ZNF385D: variants seen among roughly 807,000 people sequenced by gnomAD.
The protein encoded by ZNF385D is zinc finger protein 385D.
In ZNF385D, 15 loss-of-function variants were observed where a neutral mutation model predicts 35.8. That is an observed-to-expected ratio of 0.42 (90% CI 0.28 to 0.64). The LOEUF (loss-of-function observed/expected upper bound fraction) is 0.64, where lower values mean the gene tolerates loss of function less well. Among genes scored for constraint, ZNF385D ranks in the 30% least tolerant of loss-of-function variants. The probability of loss-of-function intolerance (pLI) is 0.23; values close to 1 mark genes in which losing one functional copy is unlikely to be tolerated. For missense variants in ZNF385D, 474 were observed against 494.6 expected (o/e 0.96, Z 0.39); for synonymous variants, 212 against 186.8 (o/e 1.13, Z -1.10).
intron 3 of ZNF385D, among the ~76,000 whole-genome samples, chr3:22,155,498 C>T (rs2125728544): frequency 6.6e-6 from 1 of 152,074 alleles, no homozygotes; most frequent in East Asian, 1.9e-4. Flanking sequence ...AACACTGGGA[C>T]ACTTTTGTTA....
chr3:21,895,386 G>A (rs1019871010), intron 3 of ZNF385D, among the ~76,000 whole-genome samples: 1 of 133,748 alleles, frequency 7.5e-6, no homozygotes, highest in Non-Finnish European at 1.5e-5. Flanking sequence ...GCAGTGTAAT[G>A]GCGCAGTCTT....
intron 1 of ZNF385D, among the ~76,000 whole-genome samples, chr3:21,676,770 G>T (rs989248042): frequency 1.4e-5 from 2 of 147,398 alleles, no homozygotes; most frequent in Non-Finnish European, 3.0e-5. Context: ...AACCAGATAG[G>T]GATGATTTCA....
intron 3 of ZNF385D, among the ~76,000 whole-genome samples, chr3:22,120,808 C>A (rs565831934): frequency 6.6e-6 from 1 of 152,084 alleles, no homozygotes; most frequent in Admixed American, 6.6e-5. Flanking sequence ...CCGTTTATAA[C>A]CATAAGACAT....
intron 1 of ZNF385D, among the ~76,000 whole-genome samples, chr3:21,680,522 T>C (rs1258532886): frequency 6.6e-6 from 1 of 152,148 alleles, no homozygotes; most frequent in Non-Finnish European, 1.5e-5. Flanking sequence ...TTTTCAAGAG[T>C]TTGCAACCCA....
At chr3:22,046,468 C>A (rs747103399) in intron 3 of ZNF385D, among the ~76,000 whole-genome samples, 4 of 151,996 alleles carry the variant, frequency 2.6e-5, no homozygotes, top group Non-Finnish European at 5.9e-5. Context: ...GATATTTAAT[C>A]CGACCAAAAA....
intron 2 of ZNF385D, among the ~76,000 whole-genome samples, chr3:22,366,151 T>TA (rs1696647564): frequency 6.6e-6 from 1 of 152,108 alleles, no homozygotes; most frequent in African/African-American, 2.4e-5. Flanking sequence ...GCTGTGTATA[T>TA]ATTCTTTGGC....
chr3:21,564,484 G>A lies in ZNF385D; in HGVS notation c.276+90C>T, dbSNP rs1171181063. On this transcript the variant is annotated intron_variant, in intron 3 of 7. Coordinates refer to ENST00000281523, the MANE Select transcript of ZNF385D (RefSeq NM_024697.3). Reference sequence around the variant, plus strand: ...AATTTTGACATGCTCAGTTACTGGAGAAAATGTCTTAAGAAATCTTTTCTC... The same window carrying A: ...AATTTTGACATGCTCAGTTACTGGAAAAAATGTCTTAAGAAATCTTTTCTC... 3 of 753,908 alleles carry A rather than the reference G, an allele frequency of 4.0e-6. No homozygotes were observed. The East Asian group carries it at 8.8e-5, about 22-fold the overall frequency. 46.7% of individuals were successfully genotyped at this position (753,908 alleles called of 1,614,324 possible).
At chr3:21,960,022 CAAAA>C (rs34894053) in intron 3 of ZNF385D, among the ~76,000 whole-genome samples, 7 of 114,606 alleles carry the variant, frequency 6.1e-5, no homozygotes, top group Non-Finnish European at 1.1e-4. Flanking sequence ...GCACAGCCTC[CAAAA>C]AAAAAAAAAA....
At position 21,596,716 on chromosome 3, in the gene ZNF385D, T is replaced by G. The variant is rs78055684; in HGVS notation, c.166-32032A>C. 7.9e-5 allele frequency among the ~76,000 whole-genome samples: 12 copies of G among 151,324 alleles called. No homozygotes were observed. The South Asian group carries it at 2.1e-3, about 26-fold the overall frequency. On this transcript the variant is annotated intron_variant, in intron 2 of 7. Coordinates refer to ENST00000281523, the MANE Select transcript of ZNF385D (RefSeq NM_024697.3). ...TTGGTCTCAAACTCCTGGCCACAAG[T>G]GATCCTCCTGCCCCAGCCTTCCAAA...
chr3:21,679,999 A>T (rs1185697026), intron 1 of ZNF385D, among the ~76,000 whole-genome samples: 3 of 152,122 alleles, frequency 2.0e-5, no homozygotes, highest in Admixed American at 1.3e-4. Flanking sequence ...AATACGTGGT[A>T]AGGACTCAAA....
In ZNF385D at chr3:22,049,365, T is replaced by G. The variant is rs1395784322; in HGVS notation, c.325+119452A>C. ...AAATGCGGTTAATTTTTGTTGATAT[T>G]TATCCTGCAACTTTACTGTAGTTGT... On this transcript the variant is annotated intron_variant, in intron 3 of 5. Transcript: ENST00000494108. 1.3e-4 allele frequency among the ~76,000 whole-genome samples: 18 copies of G among 142,924 alleles called. No individual in the cohort carries two copies. The Admixed American group carries it at 1.3e-3, about 10-fold the overall frequency. 93.8% of individuals were successfully genotyped at this position (142,924 alleles called of 152,430 possible). A position where few individuals can be genotyped will look rare whatever the true frequency, so the allele number is the denominator to read the frequency against.
At chr3:21,608,086 T>G (rs1015974917) in intron 2 of ZNF385D, among the ~76,000 whole-genome samples, 3 of 147,182 alleles carry the variant, frequency 2.0e-5, no homozygotes, top group African/African-American at 7.5e-5. Flanking sequence ...CTCAGCTCAC[T>G]GTAACCTCCA....
intron 1 of ZNF385D, among the ~76,000 whole-genome samples, chr3:21,722,099 C>CA (rs56852209): frequency 0.061 from 6,859 of 112,402 alleles, 306 homozygotes; most frequent in African/African-American, 0.11. Flanking sequence ...GACTCTGTCT[C>CA]AAAAAAAAAA....
intron 4 of ZNF385D, among the ~76,000 whole-genome samples, chr3:21,497,304 C>T (rs1199324874): frequency 2.0e-5 from 3 of 151,832 alleles, no homozygotes; most frequent in African/African-American, 7.3e-5. Flanking sequence ...TCACAACAGT[C>T]AAGAAAAGAA....
chr3:21,673,327 T>C (rs1177313331), intron 1 of ZNF385D, among the ~76,000 whole-genome samples: 1 of 152,170 alleles, frequency 6.6e-6, no homozygotes, highest in African/African-American at 2.4e-5. Context: ...TAGAGGCTTC[T>C]GTATTGTACA....
At chr3:21,488,355 A>G (rs1200303674) in intron 4 of ZNF385D, among the ~76,000 whole-genome samples, 33 of 151,964 alleles carry the variant, frequency 2.2e-4, no homozygotes, top group Admixed American at 2.1e-3. Flanking sequence ...AGACACACAC[A>G]CACACACACA....
In ZNF385D at chr3:22,365,511, A is replaced by G. The variant is rs183877812; in HGVS notation, c.106+6939T>C. On this transcript the variant is annotated intron_variant, in intron 2 of 5. Transcript: ENST00000494108. The stretch of plus-strand genomic sequence containing the variant: ...AAAAAAAATTTTTTTTTGTTTGCAA[A>G]CAAACTTTATTTTAGTTCAATCTTT... Among the ~76,000 whole-genome samples the G allele has an allele frequency of 1.1e-3, 175 of 152,176 alleles. 3 individuals are homozygous for G. The East Asian group carries it at 0.032, about 28-fold the overall frequency.
chr3:21,875,318 T>C (rs1697908383), intron 3 of ZNF385D, among the ~76,000 whole-genome samples: 1 of 152,042 alleles, frequency 6.6e-6, no homozygotes, highest in African/African-American at 2.4e-5. Context: ...TTCCACTGTT[T>C]TCCTCATTCC....
intron 3 of ZNF385D, among the ~76,000 whole-genome samples, chr3:21,977,269 C>T (rs1703688559): frequency 6.6e-6 from 1 of 152,080 alleles, no homozygotes; most frequent in Non-Finnish European, 1.5e-5. Flanking sequence ...ATCCATTGAA[C>T]TGTACACTTA....
Sources: allele counts gnomAD v4.1 joint callset (sites outside exome capture counted in the v4.1 genomes callset), GRCh38; gene constraint gnomAD v4.1.1; transcripts MANE v1.5; gene names NCBI Gene and HGNC (gene_info 2026-07-23, HGNC 2026-07-21).